KTN1: variants seen among roughly 807,000 people sequenced by gnomAD.
KTN1 encodes the protein kinectin.
KTN1 carries 130 observed loss-of-function variants against 222.5 expected under a neutral mutation model. The observed-to-expected ratio is 0.58, with a 90% CI of 0.51 to 0.68. KTN1 has a LOEUF of 0.68. KTN1 is among the 30% of genes least tolerant of loss of function. The probability of loss-of-function intolerance (pLI) is 0.00; values close to 1 mark genes in which losing one functional copy is unlikely to be tolerated. For missense variants in KTN1, 1,508 were observed against 1,500.4 expected (o/e 1.01, Z -0.08); for synonymous variants, 512 against 496.3 (o/e 1.03, Z -0.42).
At chr14:55,581,527 G>GGT (rs955657474) in intron 1 of KTN1, among the ~76,000 whole-genome samples, 29 of 151,548 alleles carry the variant, frequency 1.9e-4, no homozygotes, top group East Asian at 7.8e-4. Context: ...TAACTGTTAA[G>GGT]GTGTGTGTGT....
At chr14:55,671,731 T>A in intron 36 of KTN1, 54 bp from the exon 37 acceptor site, 1 of 1,531,392 alleles carries the variant, frequency 6.5e-7, no homozygotes, top group East Asian at 2.2e-5. Flanking sequence ...CTAAATAGTT[T>A]TATCTTGGCA....
At chr14:55,671,274 T>A (rs2045425741) in intron 35 of KTN1, 1 of 339,036 alleles carries the variant, frequency 2.9e-6, no homozygotes, top group Admixed American at 4.5e-5. Context: ...CTCTTTCCCA[T>A]GTGTGTAGCA....
chr14:55,644,522 T>G (rs2042104591), intron 18 of KTN1: 1 of 601,386 alleles, frequency 1.7e-6, no homozygotes, highest in African/African-American at 1.9e-5. Flanking sequence ...ATAATGCAAA[T>G]AAATCATTTA....
At position 55,670,842 on chromosome 14, in the gene KTN1, A is replaced by G. The variant is rs373940195; in HGVS notation, c.3348+33A>G. ...CAGCAAATGAACTGTTTGTAATTTA[A>G]ACATAGAAAAAAGAAGCAAATAAGA... On this transcript the variant is annotated intron_variant, in intron 35 of 43. Transcript: ENST00000395314. 1.8e-5 allele frequency: 26 copies of G among 1,406,472 alleles called. No homozygotes were observed. The African/African-American group carries it at 3.7e-4, about 20-fold the overall frequency. 87.1% of individuals were successfully genotyped at this position (1,406,472 alleles called of 1,614,324 possible). A position where few individuals can be genotyped will look rare whatever the true frequency, so the allele number is the denominator to read the frequency against.
chr14:55,639,344 G>T, intron 13 of KTN1, 122 bp downstream of exon 13: 148 of 486,088 alleles, frequency 3.0e-4, no homozygotes, highest in Non-Finnish European at 3.9e-4. Flanking sequence ...CTCTGAACTA[G>T]ATTTGGAGCA....
intron 1 of KTN1, among the ~76,000 whole-genome samples, chr14:55,606,231 A>G (rs1392379956): frequency 6.6e-6 from 1 of 152,180 alleles, no homozygotes; most frequent in Admixed American, 6.5e-5. Context: ...GGAAGCCTGT[A>G]TATCTTAAAG....
chr14:55,679,451 T>A, intron 42 of KTN1, 114 bp from the exon 43 acceptor site: 1 of 846,172 alleles, frequency 1.2e-6, no homozygotes, highest in East Asian at 2.6e-5. Context: ...CATGTCATTG[T>A]TCAGATTTTT....
chr14:55,610,847 T>C (rs1385178445), intron 1 of KTN1, among the ~76,000 whole-genome samples: 2 of 152,260 alleles, frequency 1.3e-5, no homozygotes, highest in Non-Finnish European at 2.9e-5. Context: ...GTAAGTGATA[T>C]GTATATTCAA....
intron 27 of KTN1, 51 bp downstream of exon 27, chr14:55,653,136 T>G: frequency 1.7e-6 from 2 of 1,190,034 alleles, no homozygotes; most frequent in Non-Finnish European, 2.5e-6. Flanking sequence ...GATAAATCTT[T>G]GTTTAAGGCA....
At chr14:55,648,457 A>G (rs1294753622) in intron 20 of KTN1, among the ~76,000 whole-genome samples, 1 of 152,214 alleles carries the variant, frequency 6.6e-6, no homozygotes, top group Non-Finnish European at 1.5e-5. Flanking sequence ...AGCTTTACCT[A>G]ACTTGATTGG....
intron 41 of KTN1, 41 bp from the exon 42 acceptor site, chr14:55,678,311 A>G: frequency 9.2e-7 from 1 of 1,085,074 alleles, no homozygotes; most frequent in Non-Finnish European, 1.4e-6. Flanking sequence ...TGTATTTATC[A>G]ACTGTATTAC....
At chr14:55,604,128 A>T (rs565724535) in intron 1 of KTN1, among the ~76,000 whole-genome samples, 1 of 152,314 alleles carries the variant, frequency 6.6e-6, no homozygotes, top group Admixed American at 6.5e-5. Context: ...GTAAGAAACT[A>T]CATGAATTGT....
intron 3 of KTN1, 105 bp from the exon 4 acceptor site, chr14:55,617,859 G>T (rs1481970046): frequency 1.4e-5 from 12 of 852,820 alleles, no homozygotes; most frequent in Non-Finnish European, 2.0e-5. Flanking sequence ...TGAGCTACCA[G>T]TAAATGTTTC....
intron 1 of KTN1, among the ~76,000 whole-genome samples, chr14:55,605,207 A>C (rs1413924685): frequency 1.3e-5 from 2 of 152,190 alleles, no homozygotes; most frequent in Non-Finnish European, 2.9e-5. Flanking sequence ...CATTAGATCT[A>C]CTTAAACTAC....
chr14:55,593,436 A>ACCCCC (rs59170918), intron 1 of KTN1, among the ~76,000 whole-genome samples: 3 of 89,540 alleles, frequency 3.4e-5, no homozygotes, highest in Non-Finnish European at 4.4e-5. Context: ...AGAAATAGAC[A>ACCCCC]CCCCCCCCCC....
chr14:55,667,448 A>G (rs1052890570), intron 34 of KTN1, 118 bp downstream of exon 34: 7 of 523,712 alleles, frequency 1.3e-5, no homozygotes, highest in Middle Eastern at 4.4e-4. Context: ...GATCTTTCCT[A>G]TTGTTAAGCT....
chr14:55,581,266 C>T (rs2031523020), intron 1 of KTN1, among the ~76,000 whole-genome samples: 3 of 152,230 alleles, frequency 2.0e-5, no homozygotes, highest in Non-Finnish European at 4.4e-5. Context: ...GGCGTCCCAG[C>T]CGGCCCCAGT....
At chr14:55,609,116 G>A (rs1175639398) in intron 1 of KTN1, among the ~76,000 whole-genome samples, 1 of 151,272 alleles carries the variant, frequency 6.6e-6, no homozygotes, top group Non-Finnish European at 1.5e-5. Flanking sequence ...GTGGTTTGCT[G>A]CACCTACTGA....
chr14:55,614,265 A>G (rs770862745), intron 2 of KTN1, among the ~76,000 whole-genome samples: 6 of 152,194 alleles, frequency 3.9e-5, no homozygotes, highest in Non-Finnish European at 7.3e-5. Flanking sequence ...TGGCAGAGCT[A>G]GCAAGAACAG....
Sources: gnomAD v4.1 joint callset for allele counts (sites outside exome capture counted in the v4.1 genomes callset) on GRCh38, gnomAD v4.1.1 for gene constraint, MANE v1.5 for transcripts, NCBI Gene and HGNC (gene_info 2026-07-23, HGNC 2026-07-21) for gene names.